PTPRN2: variants seen among roughly 807,000 people sequenced by gnomAD.
The protein encoded by PTPRN2 is protein tyrosine phosphatase receptor type N2, also known as receptor-type tyrosine-protein phosphatase N2.
PTPRN2 carries 74 observed loss-of-function variants against 118.8 expected under a neutral mutation model. That is an observed-to-expected ratio of 0.62 (90% confidence interval 0.52 to 0.76). The LOEUF is 0.76. Ranked by LOEUF, PTPRN2 falls within the 30% of genes least tolerant of loss-of-function variation. The probability of loss-of-function intolerance (pLI) is 0.00; values close to 1 mark genes in which losing one functional copy is unlikely to be tolerated. For synonymous variants in PTPRN2, 641 were observed against 608.0 expected (o/e 1.05, Z -0.80); for missense variants, 1,481 against 1,394.4 (o/e 1.06, Z -0.99).
At chr7:158,473,845 G>C (rs1313335762) in intron 2 of PTPRN2, among the ~76,000 whole-genome samples, 1 of 152,128 alleles carries the variant, frequency 6.6e-6, no homozygotes, top group Non-Finnish European at 1.5e-5. Flanking sequence ...AATGTTTTAA[G>C]TATTTAAAAG....
At chr7:157,621,896 G>A (rs867249103) in intron 14 of PTPRN2, among the ~76,000 whole-genome samples, 8 of 152,064 alleles carry the variant, frequency 5.3e-5, no homozygotes, top group Admixed American at 2.0e-4. Context: ...ACCGGCGCAC[G>A]TTTCTGAACC....
chr7:158,085,060 C>A (rs1184121841), intron 10 of PTPRN2, among the ~76,000 whole-genome samples: 1 of 135,608 alleles, frequency 7.4e-6, no homozygotes, highest in South Asian at 2.6e-4. Flanking sequence ...CATCCACACC[C>A]ATGACGCCCA....
intron 2 of PTPRN2, among the ~76,000 whole-genome samples, chr7:158,364,164 T>TTCAGGTAAGTGTGAC: frequency 1.0e-5 from 1 of 97,386 alleles, no homozygotes; most frequent in East Asian, 3.1e-4. Flanking sequence ...CCTCACTTCA[T>TTCAGGTAAGTGTGAC]CTGCCTCTCG....
chr7:157,732,447 T>C (rs372032532), intron 12 of PTPRN2, among the ~76,000 whole-genome samples: 5 of 23,128 alleles, frequency 2.2e-4, no homozygotes, highest in East Asian at 4.1e-3. Context: ...GTTACCCTTT[T>C]CCGCCCCATG....
Position 157,617,510 on chromosome 7 carries a change from A to G in PTPRN2, c.2344+3852T>C, listed in dbSNP as rs1802866453. On this transcript the variant is annotated intron_variant, in intron 15 of 22. Transcript: ENST00000389418. The surrounding 1 kb of genome is among the most constrained non-coding windows in gnomAD (Gnocchi z 7.5). ...TGATGCTGTGGTTAGGACGCTGTTC[A>G]CGCAGCTGCAGCGCAGAGCACGGGG... The G allele has an allele frequency of 6.7e-6, 1 of 150,238 alleles. No individual in the cohort carries two copies. Among genetic ancestry groups the G allele is most frequent in the Admixed American group, 6.6e-5 (1 of 15,126 alleles). The allele number at this position is 150,238 out of a possible 1,614,324, so 9.3% of individuals were successfully genotyped here.
intron 10 of PTPRN2, among the ~76,000 whole-genome samples, chr7:158,104,756 C>T (rs1463170436): frequency 6.7e-6 from 1 of 148,772 alleles, no homozygotes; most frequent in African/African-American, 2.5e-5. Flanking sequence ...CTTCCCAACT[C>T]CACTCAGCTC....
At chr7:157,659,994 T>C (rs1795814465) in intron 13 of PTPRN2, among the ~76,000 whole-genome samples, 1 of 152,092 alleles carries the variant, frequency 6.6e-6, no homozygotes, top group Non-Finnish European at 1.5e-5. Flanking sequence ...ATCCACCCAA[T>C]GAGGGATGAT....
At chr7:157,648,952 T>C (rs368304822) in intron 14 of PTPRN2, among the ~76,000 whole-genome samples, 3 of 135,716 alleles carry the variant, frequency 2.2e-5, no homozygotes, top group East Asian at 3.0e-4. Context: ...ACCCATCCAG[T>C]GTGCACTGAA....
chr7:157,898,617 AG>A, intron 12 of PTPRN2, 55 bp downstream of exon 12: 1 of 1,494,162 alleles, frequency 6.7e-7, no homozygotes, highest in Non-Finnish European at 9.3e-7. Flanking sequence ...GGTGTTCGCC[AG>A]CACCCAGACA....
intron 12 of PTPRN2, among the ~76,000 whole-genome samples, chr7:157,894,440 G>C (rs1294899082): frequency 1.3e-5 from 1 of 78,398 alleles, no homozygotes; most frequent in Non-Finnish European, 2.5e-5. Flanking sequence ...TGGAAGCTGA[G>C]AGCTGGGGTG....
At chr7:157,703,494 T>C (rs1224098079) in intron 12 of PTPRN2, among the ~76,000 whole-genome samples, 1 of 152,176 alleles carries the variant, frequency 6.6e-6, no homozygotes, top group Non-Finnish European at 1.5e-5. Flanking sequence ...AACTGTAAGA[T>C]AAAACATGGT....
intron 2 of PTPRN2, among the ~76,000 whole-genome samples, chr7:158,383,303 GTGAATGTATCTATT>G (rs1365911647): frequency 6.6e-6 from 1 of 152,180 alleles, no homozygotes; most frequent in Non-Finnish European, 1.5e-5. Flanking sequence ...ACTTCTATTA[GTGAATGTATCTATT>G]TGATATAATC....
chr7:158,410,774 G>A (rs144797826), intron 2 of PTPRN2, among the ~76,000 whole-genome samples: 7 of 151,570 alleles, frequency 4.6e-5, no homozygotes, highest in Admixed American at 3.3e-4. Context: ...AGTGATTGAC[G>A]TCCCTGTAGG....
chr7:158,468,113 A>G (rs1186170677), intron 2 of PTPRN2, among the ~76,000 whole-genome samples: 1 of 152,226 alleles, frequency 6.6e-6, no homozygotes, highest in African/African-American at 2.4e-5. Flanking sequence ...AATAGCCTTA[A>G]TAACAAAACA....
At chr7:157,756,285 T>G (rs2886776) in intron 12 of PTPRN2, among the ~76,000 whole-genome samples, 1 of 146,390 alleles carries the variant, frequency 6.8e-6, no homozygotes, top group Non-Finnish European at 1.5e-5. Flanking sequence ...CCAGGGCAAA[T>G]TTTTTAATCT....
At chr7:157,575,343 G>A (rs990765066) in intron 19 of PTPRN2, among the ~76,000 whole-genome samples, 4 of 152,302 alleles carry the variant, frequency 2.6e-5, no homozygotes, top group South Asian at 2.1e-4. Flanking sequence ...GGAAATTAGC[G>A]TGGGTGAGGA....
intron 1 of PTPRN2, among the ~76,000 whole-genome samples, chr7:158,491,922 G>A (rs541435695): frequency 6.6e-6 from 1 of 152,300 alleles, no homozygotes; most frequent in East Asian, 1.9e-4. Context: ...AGCGTGGCAG[G>A]GAACGTTCTG....
chr7:158,560,217 C>T (rs1827290522), intron 1 of PTPRN2, among the ~76,000 whole-genome samples: 1 of 152,354 alleles, frequency 6.6e-6, no homozygotes, highest in East Asian at 1.9e-4. Context: ...ACCACTCATC[C>T]GTCAGTGGAC....
chr7:157,695,071 T>C (rs894272412), intron 12 of PTPRN2, among the ~76,000 whole-genome samples: 4 of 152,174 alleles, frequency 2.6e-5, no homozygotes, highest in African/African-American at 9.6e-5. Context: ...TTAAAGTGCA[T>C]TTCACATTTG....
Sources: gnomAD v4.1 joint callset for allele counts (sites outside exome capture counted in the v4.1 genomes callset) on GRCh38, gnomAD v4.1.1 for gene constraint, Gnocchi (gnomAD v3.1) non-coding constraint, MANE v1.5 for transcripts, NCBI Gene and HGNC (gene_info 2026-07-23, HGNC 2026-07-21) for gene names.